ATP6V1A: variants seen among roughly 807,000 people sequenced by gnomAD.
ATP6V1A encodes the protein V-type proton ATPase catalytic subunit A.
A neutral mutation model predicts 70.1 loss-of-function variants in ATP6V1A; 18 were observed. That is an observed-to-expected ratio of 0.26 (90% CI 0.18 to 0.38). ATP6V1A has a LOEUF of 0.38. Ranked by LOEUF, ATP6V1A falls within the 10% of genes least tolerant of loss-of-function variation. The pLI, the probability that ATP6V1A is intolerant of heterozygous loss-of-function variation, is 1.00. For synonymous variants in ATP6V1A, 232 were observed against 253.8 expected (o/e 0.91, Z 0.82); for missense variants, 424 against 772.4 (o/e 0.55, Z 5.35).
At chr3:113,770,287 T>C (rs1708820224) in intron 1 of ATP6V1A, among the ~76,000 whole-genome samples, 1 of 152,152 alleles carries the variant, frequency 6.6e-6, no homozygotes, top group East Asian at 1.9e-4. Context: ...TGACCACAAG[T>C]AACCTACCTG....
intron 14 of ATP6V1A, among the ~76,000 whole-genome samples, chr3:113,806,342 C>G (rs188105018): frequency 1.0e-3 from 153 of 152,334 alleles, no homozygotes; most frequent in African/African-American, 3.1e-3. Flanking sequence ...GAGCTTACTT[C>G]ATAGCTGAGC....
chr3:113,763,977 C>T (rs1460098693), intron 1 of ATP6V1A, among the ~76,000 whole-genome samples: 1 of 152,142 alleles, frequency 6.6e-6, no homozygotes, highest in African/African-American at 2.4e-5. Flanking sequence ...CAGTGGCTTA[C>T]ACCTGTAATC....
At chr3:113,798,149 G>T (rs1709173772) in intron 11 of ATP6V1A, 94 bp from the exon 12 acceptor site, 3 of 1,371,188 alleles carry the variant, frequency 2.2e-6, no homozygotes, top group East Asian at 2.4e-5. Context: ...AAAAAAAAAA[G>T]AATTGCATAG....
At chr3:113,761,863 G>A (rs1708708642) in intron 1 of ATP6V1A, among the ~76,000 whole-genome samples, 2 of 130,062 alleles carry the variant, frequency 1.5e-5, no homozygotes, top group Non-Finnish European at 3.4e-5. Flanking sequence ...AAAAAAATTG[G>A]TAAAGTTGGC....
At chr3:113,797,811 AAACGAT>A (rs577547625) in intron 11 of ATP6V1A, among the ~76,000 whole-genome samples, 65 of 152,202 alleles carry the variant, frequency 4.3e-4, no homozygotes, top group Admixed American at 2.6e-4. Context: ...GTATATACTA[AAACGAT>A]GTATAATTTG....
At chr3:113,766,534 A>G (rs1239374739) in intron 1 of ATP6V1A, among the ~76,000 whole-genome samples, 3 of 152,114 alleles carry the variant, frequency 2.0e-5, no homozygotes, top group Non-Finnish European at 4.4e-5. Flanking sequence ...GACTCATGCA[A>G]TCCTTCTGCC....
chr3:113,777,032 A>G (rs998565815), intron 1 of ATP6V1A, among the ~76,000 whole-genome samples: 7 of 152,208 alleles, frequency 4.6e-5, no homozygotes, highest in African/African-American at 9.6e-5. Flanking sequence ...TTATTGATCT[A>G]TGACTCTTTG....
chr3:113,767,446 A>G (rs946379534), intron 1 of ATP6V1A, among the ~76,000 whole-genome samples: 81 of 152,174 alleles, frequency 5.3e-4, no homozygotes, highest in African/African-American at 1.9e-3. Context: ...ATAAGACACT[A>G]TGCCATATGG....
intron 14 of ATP6V1A, among the ~76,000 whole-genome samples, chr3:113,806,273 T>C (rs1709275405): frequency 6.6e-6 from 1 of 152,062 alleles, no homozygotes; most frequent in African/African-American, 2.4e-5. Context: ...AATTAGTATG[T>C]CACGTCTAAA....
At chr3:113,768,327 G>A in intron 1 of ATP6V1A, among the ~76,000 whole-genome samples, 1 of 151,760 alleles carries the variant, frequency 6.6e-6, no homozygotes, top group Admixed American at 6.6e-5. Flanking sequence ...TAACCTTTTG[G>A]TTTATTTTTT....
At position 113,810,278 on chromosome 3, in the gene ATP6V1A, G is replaced by T. The variant is rs1709326769; in HGVS notation, c.*851G>T. ...GCTGGTCTCGAACTCCAGACCTCAG[G>T]TGATCCGCCCACCTCGGCCTCCCAA... On this transcript the variant is annotated 3_prime_UTR_variant, in exon 15 of 15. Transcript: ENST00000273398. 6.6e-6 allele frequency: 1 copy of T among 152,136 alleles called. No individual in the cohort carries two copies. The highest frequency in any genetic ancestry group is 1.5e-5 in the Non-Finnish European group (1 of 68,110). 9.4% of individuals were successfully genotyped at this position (152,136 alleles called of 1,614,324 possible).
chr3:113,765,670 A>G (rs1708760668), intron 1 of ATP6V1A, among the ~76,000 whole-genome samples: 1 of 151,208 alleles, frequency 6.6e-6, no homozygotes, highest in African/African-American at 2.4e-5. Flanking sequence ...TTATCCCAGC[A>G]CTTTGGGAGG....
chr3:113,782,829 G>T (rs1314493426), intron 3 of ATP6V1A, among the ~76,000 whole-genome samples: 1 of 151,524 alleles, frequency 6.6e-6, no homozygotes, highest in Non-Finnish European at 1.5e-5. Context: ...TCACCATCTT[G>T]GCCAGGCTGG....
intron 1 of ATP6V1A, among the ~76,000 whole-genome samples, chr3:113,754,410 G>C (rs963697892): frequency 3.3e-5 from 5 of 152,114 alleles, no homozygotes; most frequent in Admixed American, 1.3e-4. Context: ...GCATGCACCT[G>C]TAGTCCCAGC....
chr3:113,763,412 T>C (rs1294120723), intron 1 of ATP6V1A, among the ~76,000 whole-genome samples: 3 of 152,220 alleles, frequency 2.0e-5, no homozygotes, highest in Non-Finnish European at 4.4e-5. Context: ...ATAGAGTAGC[T>C]CTCTAATGAT....
At position 113,811,479 on chromosome 3, in the gene ATP6V1A, G is replaced by C. The variant is rs1396354800; in HGVS notation, c.*2052G>C. On this transcript the variant is annotated 3_prime_UTR_variant, in exon 15 of 15. Transcript: ENST00000273398. ...TGCTTCCAAAGTGGCCTACTCAAGAGGCCCTAAGACTGGTAGAAATTAAAA... is the reference window on the plus strand; with the variant it reads ...TGCTTCCAAAGTGGCCTACTCAAGACGCCCTAAGACTGGTAGAAATTAAAA... 2 of 152,574 alleles carry C rather than the reference G, an allele frequency of 1.3e-5. No individual in the cohort carries two copies. The highest frequency in any genetic ancestry group is 4.8e-5 in the African/African-American group (2 of 41,430). 9.5% of individuals were successfully genotyped at this position (152,574 alleles called of 1,614,324 possible). A position where few individuals can be genotyped will look rare whatever the true frequency, so the allele number is the denominator to read the frequency against.
At chr3:113,792,340 G>T (rs542211687) in intron 8 of ATP6V1A, among the ~76,000 whole-genome samples, 4 of 149,332 alleles carry the variant, frequency 2.7e-5, no homozygotes, top group Admixed American at 2.0e-4. Flanking sequence ...TTCTTTGCAT[G>T]TTTTTTTTTT....
intron 14 of ATP6V1A, among the ~76,000 whole-genome samples, chr3:113,807,185 T>C (rs916882582): frequency 8.6e-5 from 5 of 57,950 alleles, no homozygotes; most frequent in African/African-American, 1.5e-4. Context: ...TTTTTTTTTC[T>C]TTTTTTTTTT....
chr3:113,775,672 A>T (rs1708902902), intron 1 of ATP6V1A, among the ~76,000 whole-genome samples: 1 of 152,180 alleles, frequency 6.6e-6, no homozygotes, highest in Admixed American at 6.5e-5. Flanking sequence ...TAGGACCAGG[A>T]TGTGATCCCA....
Sources: allele counts gnomAD v4.1 joint callset (sites outside exome capture counted in the v4.1 genomes callset), GRCh38; gene constraint gnomAD v4.1.1; transcripts MANE v1.5; gene names NCBI Gene and HGNC (gene_info 2026-07-23, HGNC 2026-07-21).